The following ATP10A variants were observed in gnomAD, a reference collection of about 807,000 sequenced individuals.
ATP10A encodes the protein phospholipid-transporting ATPase VA.
Under a neutral mutation model 147.8 loss-of-function variants are expected in ATP10A, and 111 were observed. That is an observed-to-expected ratio of 0.75 (90% CI 0.64 to 0.88). ATP10A has a LOEUF of 0.88. Among genes scored for constraint, ATP10A ranks in the 40% least tolerant of loss-of-function variants. The probability of loss-of-function intolerance (pLI) is 0.00; values close to 1 mark genes in which losing one functional copy is unlikely to be tolerated. For synonymous variants in ATP10A, 875 were observed against 841.6 expected (o/e 1.04, Z -0.69); for missense variants, 1,927 against 1,959.0 (o/e 0.98, Z 0.31).
intron 2 of ATP10A, among the ~76,000 whole-genome samples, chr15:25,768,504 C>T (rs894640846): frequency 4.0e-5 from 6 of 151,468 alleles, no homozygotes; most frequent in African/African-American, 1.5e-4. Flanking sequence ...CTTGTGTTTC[C>T]AATTTCTAAT....
At chr15:25,748,155 G>C (rs1232891888) in intron 2 of ATP10A, among the ~76,000 whole-genome samples, 2 of 151,966 alleles carry the variant, frequency 1.3e-5, no homozygotes, top group Non-Finnish European at 2.9e-5. Context: ...GTAGAGACAG[G>C]GTTTCACTGT....
intron 2 of ATP10A, among the ~76,000 whole-genome samples, chr15:25,777,373 TC>T (rs1262855274): frequency 1.3e-5 from 2 of 152,064 alleles, no homozygotes; most frequent in African/African-American, 2.4e-5. Context: ...GCTCCTGGCA[TC>T]TAGCAAGTTC....
rs1902243242 is a variant in ATP10A at position 25,721,713 on chromosome 15, T to A, written c.1307A>T (p.Lys436Met). 6.2e-7 allele frequency: 1 copy of A among 1,614,180 alleles called. No individual in the cohort carries two copies. Among genetic ancestry groups the A allele is most frequent in the Non-Finnish European group, 8.5e-7 (1 of 1,180,042 alleles). Residue 436 changes from lysine (K) to methionine (M), a missense_variant, in exon 7 of 21, where the codon AAG becomes ATG. Lys to Met is a moderately conservative substitution (Grantham distance 95). Coordinates refer to ENST00000555815, the MANE Select transcript of ATP10A (RefSeq NM_024490.4). ...CACAGTGCATCTTCGGAAAACCATC[T>A]TATTCTCTGTCAAAGTGCCAGTTTT... ...SDKTGTLTENKMVFRRCTVSG... is the reference protein window; with the variant it reads ...SDKTGTLTENMMVFRRCTVSG...
Position 25,679,767 on chromosome 15 carries a change from C to T in ATP10A, c.4074G>A (p.Gln1358=). ...TGGCCTCCAGGGAGCAGACCGGCTG[C>T]TGTGTGTGCCAAGAAGGCTGGGACA... ...VPLSQPSWHT[Q]QPVCSLEASG... The change falls in exon 21 of 21, where the codon CAG becomes CAA. Residue 1358 remains glutamine (Q), a synonymous_variant. Coordinates refer to ENST00000555815, the MANE Select transcript of ATP10A (RefSeq NM_024490.4). 6.2e-7 allele frequency: 1 copy of T among 1,613,070 alleles called. No homozygotes were observed. Among genetic ancestry groups the T allele is most frequent in the African/African-American group, 1.3e-5 (1 of 75,068 alleles).
chr15:25,773,818 C>CCACACA lies in ATP10A; in HGVS notation c.654+7195_654+7200dup, dbSNP rs56751876. ...CACACAAACATACACACCTAAACAT[C>CCACACA]CACACACACACACACACACACACAC... is the stretch of plus-strand genomic sequence containing the variant. On this transcript the variant is annotated intron_variant, in intron 2 of 20. Coordinates refer to ENST00000555815, the MANE Select transcript of ATP10A (RefSeq NM_024490.4). 5.4e-3 allele frequency among the ~76,000 whole-genome samples: 749 copies of CCACACA among 137,894 alleles called. 13 individuals carry two copies. Among genetic ancestry groups the CCACACA allele is most frequent in the Admixed American group, 0.035 (492 of 13,932 alleles). The allele number at this position is 137,894 out of a possible 152,430, so 90.5% of individuals were successfully genotyped here.
intron 1 of ATP10A, among the ~76,000 whole-genome samples, chr15:25,847,797 A>T (rs1043112180): frequency 1.8e-4 from 27 of 150,452 alleles, no homozygotes; most frequent in African/African-American, 6.3e-4. Flanking sequence ...TGCCCAGCTA[A>T]TTTTTCGTAT....
intron 1 of ATP10A, among the ~76,000 whole-genome samples, chr15:25,853,058 G>T (rs2140913294): frequency 6.6e-6 from 1 of 152,254 alleles, no homozygotes; most frequent in South Asian, 2.1e-4. Context: ...ATTCTTAATT[G>T]CCTAATAAAA....
At chr15:25,806,797 T>C (rs974191533) in intron 1 of ATP10A, among the ~76,000 whole-genome samples, 7 of 152,230 alleles carry the variant, frequency 4.6e-5, no homozygotes, top group Admixed American at 6.5e-5. Flanking sequence ...GGTTTTCGGC[T>C]GTGCAGGGAG....
chr15:25,807,600 C>T (rs899451762), intron 1 of ATP10A, among the ~76,000 whole-genome samples: 10 of 152,150 alleles, frequency 6.6e-5, no homozygotes, highest in Admixed American at 2.0e-4. Flanking sequence ...GTCAAGAGTT[C>T]GAGACCAGCC....
rs1253003076 is a variant in ATP10A, at chr15:25,860,724, GAAGCCTTAC to G, written c.449+1915_449+1923del. On this transcript the variant is annotated intron_variant, in intron 1 of 20. Coordinates refer to ENST00000555815, the MANE Select transcript of ATP10A (RefSeq NM_024490.4). ...GGAAGCTAAAGTTTCAAAGTCCCAT[GAAGCCTTAC>G]AAGGTCACAGAGACAAGAGAATAGC... Among the ~76,000 whole-genome samples the G allele has an allele frequency of 3.9e-5, 6 of 152,178 alleles. No individual in the cohort carries two copies. The East Asian group carries it at 1.2e-3, about 29-fold the overall frequency.
intron 2 of ATP10A, among the ~76,000 whole-genome samples, chr15:25,769,486 CAAAAAAAAAAAAAAAA>C (rs58272964): frequency 7.3e-5 from 4 of 54,770 alleles, no homozygotes; most frequent in African/African-American, 3.2e-4. Flanking sequence ...GACTCTGTCT[CAAAAAAAAAAAAAAAA>C]AAAAAAAAAA....
chr15:25,707,764 G>A (rs553231331), intron 12 of ATP10A, among the ~76,000 whole-genome samples: 5 of 152,178 alleles, frequency 3.3e-5, no homozygotes, highest in African/African-American at 1.2e-4. Context: ...GTCTTGGGGT[G>A]CCTGGGGGGC....
At chr15:25,753,529 A>G (rs1393607523) in intron 2 of ATP10A, among the ~76,000 whole-genome samples, 1 of 150,528 alleles carries the variant, frequency 6.6e-6, no homozygotes, top group Non-Finnish European at 1.5e-5. Flanking sequence ...CCCCCTGAGG[A>G]ACACAGGAAA....
intron 1 of ATP10A, among the ~76,000 whole-genome samples, chr15:25,836,200 C>T (rs1438268573): frequency 1.3e-5 from 2 of 152,166 alleles, no homozygotes; most frequent in African/African-American, 2.4e-5. Flanking sequence ...CATCTTGCCT[C>T]GGCCTCCCAA....
intron 7 of ATP10A, 57 bp from the exon 8 acceptor site, chr15:25,718,456 A>G (rs1396827972): frequency 1.3e-6 from 2 of 1,509,160 alleles, no homozygotes; most frequent in South Asian, 1.2e-5. Flanking sequence ...CGGAGCAGAA[A>G]GAAACCATTC....
In ATP10A at chr15:25,679,370, T is replaced by C. The variant is rs1899231309; in HGVS notation, c.4471A>G (p.Ile1491Val). The C allele has an allele frequency of 6.3e-7, 1 of 1,593,910 alleles. No individual in the cohort carries two copies. Among genetic ancestry groups the C allele is most frequent in the Non-Finnish European group, 8.6e-7 (1 of 1,164,098 alleles). The change falls in exon 21 of 21, where the codon ATA (isoleucine) becomes GTA (valine). Residue 1491 changes from isoleucine to valine, a missense_variant. Coordinates refer to ENST00000555815, the MANE Select transcript of ATP10A (RefSeq NM_024490.4). ...TGTGACCGCCTTGAAGATGCTCCTA[T>C]AAGTAGTCTGTGGTCTGGCCCTTGA... ...GLQGPDHRLL[I>V]GASSRRSQ
intron 1 of ATP10A, among the ~76,000 whole-genome samples, chr15:25,826,278 G>A (rs1180616930): frequency 1.3e-5 from 2 of 152,184 alleles, no homozygotes. Flanking sequence ...ATAATGACTG[G>A]GTTGGGTACG....
chr15:25,773,818 CCACACACACACACACACACA>C (rs56751876), intron 2 of ATP10A, among the ~76,000 whole-genome samples: 42 of 137,904 alleles, frequency 3.0e-4, no homozygotes, highest in African/African-American at 1.1e-3. Flanking sequence ...ACCTAAACAT[CCACACACACACACACACACA>C]CACACACACA....
chr15:25,679,892 T>A lies in ATP10A; in HGVS notation c.3949A>T (p.Arg1317Ter). ...AAGGTCTCTTTGGGAGCACTGCATC[T>A]CCTGGGGGACTTCCTGGTCAACTGA... ...ARQLTRKSPR[R>*]CSAPKETFAQ... The change falls in exon 21 of 21, where the codon AGA becomes TGA. Residue 1317 changes from arginine to a stop codon, truncating the protein, a stop_gained. Coordinates refer to ENST00000555815, the MANE Select transcript of ATP10A (RefSeq NM_024490.4). LOFTEE classifies it high-confidence loss of function. The A allele has an allele frequency of 6.2e-7, 1 of 1,610,588 alleles. No homozygotes were observed. Among genetic ancestry groups the A allele is most frequent in the Non-Finnish European group, 8.5e-7 (1 of 1,179,704 alleles).
Sources: allele counts gnomAD v4.1 joint callset (sites outside exome capture counted in the v4.1 genomes callset), GRCh38; gene constraint gnomAD v4.1.1; transcripts MANE v1.5; gene names NCBI Gene and HGNC (gene_info 2026-07-23, HGNC 2026-07-21).